The following PRDM15 variants were observed in gnomAD, a reference collection of about 807,000 sequenced individuals.
PRDM15 encodes PR/SET domain 15, also known as PR domain zinc finger protein 15.
PRDM15 carries 64 observed loss-of-function variants against 128.6 expected under a neutral mutation model. The ratio of observed to expected loss-of-function variants is 0.50; its 90% CI spans 0.41 to 0.61. The LOEUF (loss-of-function observed/expected upper bound fraction) is 0.61. PRDM15 is among the 20% of genes least tolerant of loss of function. The pLI is 0.00. For synonymous variants in PRDM15, 615 were observed against 621.8 expected (o/e 0.99, Z 0.16); for missense variants, 1,242 against 1,569.1 (o/e 0.79, Z 3.52).
rs755742449 is a variant in PRDM15, at chr21:41,821,965, C to T, written c.1834G>A (p.Asp612Asn). Residue 612 changes from aspartate (D) to asparagine (N), a missense_variant, in exon 15 of 24, where the codon GAT becomes AAT. By Grantham distance (23) the Asp-to-Asn change is conservative. This residue lies in a region of PRDM15 where 602 missense variants were observed against 788.3 expected (regional missense o/e 0.76). Coordinates refer to ENST00000398548, the MANE Select transcript of PRDM15 (RefSeq NM_001040424.3). This position sits in a 1 kb window ranked among gnomAD's most constrained non-coding sequence, Gnocchi z 5.4. Reference sequence around the variant, plus strand: ...TCTGCGCTCTCGTCAGAATTGTCATCGTTTTCTTCCGAGGAGATCCCGATC... The same window carrying T: ...TCTGCGCTCTCGTCAGAATTGTCATTGTTTTCTTCCGAGGAGATCCCGATC... ...GKIGISSEENDDNSDESADSE... is the reference protein window; with the variant it reads ...GKIGISSEENNDNSDESADSE... 1.8e-5 allele frequency: 29 copies of T among 1,614,110 alleles called. No individual in the cohort carries two copies. The highest frequency in any genetic ancestry group is 2.5e-5 in the Non-Finnish European group (29 of 1,180,056).
At chr21:41,845,965 G>A (rs995536613) in intron 6 of PRDM15, among the ~76,000 whole-genome samples, 1 of 152,008 alleles carries the variant, frequency 6.6e-6, no homozygotes, top group Non-Finnish European at 1.5e-5. Context: ...AAACCCAGCT[G>A]CCCTGCTCTG....
intron 1 of PRDM15, among the ~76,000 whole-genome samples, chr21:41,868,690 TTTTC>T (rs1219197147): frequency 6.9e-5 from 7 of 101,196 alleles, no homozygotes; most frequent in Non-Finnish European, 4.3e-5. Context: ...TCCTTTTTCT[TTTTC>T]TTTTTTTTTT....
chr21:41,817,658 A>AAT (rs1327286187), intron 18 of PRDM15, among the ~76,000 whole-genome samples: 1 of 152,226 alleles, frequency 6.6e-6, no homozygotes, highest in Admixed American at 6.5e-5. Flanking sequence ...AAAACCAGGC[A>AAT]ATATTTACAT....
At chr21:41,801,751 G>A (rs758414396) in intron 23 of PRDM15, 29 bp from the exon 24 acceptor site, 34 of 1,590,672 alleles carry the variant, frequency 2.1e-5, no homozygotes, top group Middle Eastern at 1.7e-4. Context: ...ACAAAAATCC[G>A]TTCATTTTTG....
At chr21:41,831,870 A>T (rs962614609) in intron 11 of PRDM15, among the ~76,000 whole-genome samples, 3 of 152,206 alleles carry the variant, frequency 2.0e-5, no homozygotes, top group African/African-American at 7.2e-5. Flanking sequence ...GCCCAGAGCC[A>T]GCCTCACCTG....
chr21:41,861,595 T>C, intron 1 of PRDM15: 1 of 1,612,292 alleles, frequency 6.2e-7, no homozygotes, highest in South Asian at 1.1e-5. Context: ...GCTTCTCTGA[T>C]GCCCGTTGCT....
intron 21 of PRDM15, among the ~76,000 whole-genome samples, chr21:41,805,692 C>G (rs1165404167): frequency 6.6e-6 from 1 of 151,852 alleles, no homozygotes; most frequent in Non-Finnish European, 1.5e-5. Context: ...TGTGGACGCA[C>G]TCTCTACCGT....
rs2062717696 is a variant in PRDM15 at position 41,832,262 on chromosome 21, A to C, written c.1366+3175T>G. Among the ~76,000 whole-genome samples the C allele has an allele frequency of 1.3e-5, 2 of 152,192 alleles. No individual in the cohort carries two copies. Among genetic ancestry groups the C allele is most frequent in the South Asian group, 4.1e-4 (2 of 4,834 alleles). ...ATCATGAATTCTTAGGAATGGGACC[A>C]CTAGAGCCAAGCGCTTTGTGAAAGG... On this transcript the variant is annotated intron_variant, in intron 11 of 23. Coordinates refer to ENST00000398548, the MANE Select transcript of PRDM15 (RefSeq NM_001040424.3). This position sits in a 1 kb window ranked among gnomAD's most constrained non-coding sequence, Gnocchi z 4.2.
intron 1 of PRDM15, among the ~76,000 whole-genome samples, chr21:41,872,524 G>C (rs932379834): frequency 3.9e-5 from 6 of 151,958 alleles, no homozygotes; most frequent in African/African-American, 1.5e-4. Context: ...TATTTGCTTA[G>C]GCCTTATTTT....
At chr21:41,861,458 C>A (rs567770060) in intron 1 of PRDM15, 1 of 991,294 alleles carries the variant, frequency 1.0e-6, no homozygotes, top group South Asian at 1.6e-5. Context: ...AATAAAAACA[C>A]CCACCTCATG....
At chr21:41,826,177 G>A in intron 12 of PRDM15, 123 bp from the exon 13 acceptor site, 1 of 720,348 alleles carries the variant, frequency 1.4e-6, no homozygotes, top group Non-Finnish European at 2.4e-6. Context: ...CCACAGTGGG[G>A]ACAGAAGCGT....
At position 41,810,409 on chromosome 21, in the gene PRDM15, C is replaced by G. The variant is rs2061827044; in HGVS notation, c.2477-80G>C. On this transcript the variant is annotated intron_variant, in intron 20 of 23. Transcript: ENST00000398548. The surrounding 1 kb of genome is among the most constrained non-coding windows in gnomAD (Gnocchi z 6.4). ...CACTAGTGCAGCCATCCCAATGACC[C>G]TGGCCTGCTGGACGAGGCAAGAAGC... The G allele has an allele frequency of 1.4e-6, 2 of 1,478,416 alleles. No individual in the cohort carries two copies. The highest frequency in any genetic ancestry group is 9.1e-7 in the Non-Finnish European group (1 of 1,094,710). The allele number at this position is 1,478,416 out of a possible 1,614,324, so 91.6% of individuals were successfully genotyped here. A position where few individuals can be genotyped will look rare whatever the true frequency, so the allele number is the denominator to read the frequency against.
intron 21 of PRDM15, among the ~76,000 whole-genome samples, chr21:41,806,393 AT>A: frequency 1.0e-5 from 1 of 98,466 alleles, no homozygotes; most frequent in Non-Finnish European, 2.2e-5. Context: ...CACCACCACC[AT>A]CACCACCACC....
chr21:41,835,560 A>G, intron 10 of PRDM15, 36 bp from the exon 11 acceptor site: 6 of 1,566,798 alleles, frequency 3.8e-6, no homozygotes, highest in Non-Finnish European at 5.2e-6. Flanking sequence ...GAGATGGCCC[A>G]GCGCAGAGTC....
Position 41,810,598 on chromosome 21 carries a change from C to T in PRDM15, c.2476+155G>A, listed in dbSNP as rs1409391559. 1.5e-6 allele frequency: 1 copy of T among 664,226 alleles called. No individual in the cohort carries two copies. The highest frequency in any genetic ancestry group is 2.7e-5 in the East Asian group (1 of 36,598). The allele number at this position is 664,226 out of a possible 1,614,324, so 41.1% of individuals were successfully genotyped here. A position where few individuals can be genotyped will look rare whatever the true frequency, so the allele number is the denominator to read the frequency against. On this transcript the variant is annotated intron_variant, in intron 20 of 23. Transcript: ENST00000398548. The surrounding 1 kb of genome is among the most constrained non-coding windows in gnomAD (Gnocchi z 6.4). ...TTGAAAGCTGTGGCGGGTTGACCTT[C>T]AGAGGCCAAGGGGCCACCATGAAGC...
intron 1 of PRDM15, among the ~76,000 whole-genome samples, chr21:41,872,733 G>T (rs1480727846): frequency 6.6e-6 from 1 of 152,202 alleles, no homozygotes; most frequent in Non-Finnish European, 1.5e-5. Flanking sequence ...TGGTTCAGGA[G>T]GTCGGGGGAT....
chr21:41,857,840 G>A (rs760536785), intron 3 of PRDM15, among the ~76,000 whole-genome samples: 12 of 152,202 alleles, frequency 7.9e-5, no homozygotes, highest in East Asian at 1.9e-4. Context: ...TGATGCCCTC[G>A]GGCTGTGGCA....
intron 1 of PRDM15, among the ~76,000 whole-genome samples, chr21:41,875,663 C>T (rs1601509062): frequency 6.6e-6 from 1 of 152,358 alleles, no homozygotes; most frequent in African/African-American, 2.4e-5. Context: ...CCTCTAGGAA[C>T]TCCTATTTCT....
intron 5 of PRDM15, among the ~76,000 whole-genome samples, chr21:41,851,921 G>A (rs1271739054): frequency 2.0e-5 from 3 of 152,176 alleles, no homozygotes; most frequent in Admixed American, 6.5e-5. Flanking sequence ...CCTTGTTTAG[G>A]TTTAAGCTAT....
Sources: allele counts gnomAD v4.1 joint callset (sites outside exome capture counted in the v4.1 genomes callset), GRCh38; gene constraint gnomAD v4.1.1; regional missense constraint gnomAD v4.1.1; non-coding constraint Gnocchi (gnomAD v3.1); transcripts MANE v1.5; gene names NCBI Gene and HGNC (gene_info 2026-07-23, HGNC 2026-07-21).